GLG1: variants seen among roughly 807,000 people sequenced by gnomAD.
GLG1 encodes the protein golgi glycoprotein 1.
In GLG1, 38 loss-of-function variants were observed where a neutral mutation model predicts 160.5. That is an observed-to-expected ratio of 0.24 (90% CI 0.18 to 0.31). The LOEUF (loss-of-function observed/expected upper bound fraction) is 0.31, where lower values mean the gene tolerates loss of function less well. Ranked by LOEUF, GLG1 falls within the 10% of genes least tolerant of loss-of-function variation. The pLI is 1.00. For synonymous variants in GLG1, 644 were observed against 543.4 expected (o/e 1.19, Z -2.57); for missense variants, 1,373 against 1,505.2 (o/e 0.91, Z 1.45).
intron 9 of GLG1, 57 bp from the exon 10 acceptor site, chr16:74,483,181 A>AC: frequency 1.0e-6 from 1 of 970,046 alleles, no homozygotes; most frequent in Non-Finnish European, 1.7e-6. Flanking sequence ...ACTCTATGTC[A>AC]ATATAGTATT....
At chr16:74,596,883 A>G (rs1958316078) in intron 1 of GLG1, among the ~76,000 whole-genome samples, 4 of 152,116 alleles carry the variant, frequency 2.6e-5, no homozygotes. Flanking sequence ...CTGGGAGGCC[A>G]AGGCAGGAGG....
rs564743208 is a variant in GLG1 at position 74,473,292 on chromosome 16, C to G, written c.2053-881G>C. 2.0e-4 allele frequency among the ~76,000 whole-genome samples: 31 copies of G among 151,984 alleles called. 2 individuals carry two copies. The South Asian group carries it at 4.0e-3, about 19-fold the overall frequency. Reference sequence around the variant, plus strand: ...GCAATGGTGCAATCTCGGCTCACTGCAACCTCCGCCTCCCGGGTTCAAGTG... The same window carrying G: ...GCAATGGTGCAATCTCGGCTCACTGGAACCTCCGCCTCCCGGGTTCAAGTG... On this transcript the variant is annotated intron_variant, in intron 13 of 25. Transcript: ENST00000422840.
intron 6 of GLG1, among the ~76,000 whole-genome samples, chr16:74,493,813 T>G (rs1353727907): frequency 6.6e-6 from 1 of 152,142 alleles, no homozygotes; most frequent in Non-Finnish European, 1.5e-5. Context: ...AACCTAAACT[T>G]CTTGAGGAGG....
intron 1 of GLG1, among the ~76,000 whole-genome samples, chr16:74,579,576 G>A (rs1035077336): frequency 1.2e-4 from 19 of 152,062 alleles, no homozygotes; most frequent in African/African-American, 4.6e-4. Flanking sequence ...ACAAAAGTTA[G>A]CCAGGTGTAG....
intron 1 of GLG1, among the ~76,000 whole-genome samples, chr16:74,577,449 G>C (rs1331752465): frequency 6.7e-6 from 1 of 148,664 alleles, no homozygotes; most frequent in Admixed American, 6.8e-5. Flanking sequence ...TTGAACTCAG[G>C]AGGCAGAAAG....
intron 2 of GLG1, among the ~76,000 whole-genome samples, chr16:74,512,125 T>C (rs1391288056): frequency 7.3e-5 from 11 of 151,330 alleles, no homozygotes; most frequent in African/African-American, 2.2e-4. Flanking sequence ...CCTCATCTTC[T>C]GGCAACCATT....
chr16:74,515,116 C>A (rs532151475), intron 2 of GLG1, among the ~76,000 whole-genome samples: 3 of 152,102 alleles, frequency 2.0e-5, no homozygotes, highest in Non-Finnish European at 4.4e-5. Context: ...TATATATGCA[C>A]CCAATACAGG....
chr16:74,578,713 T>C (rs1957868339), intron 1 of GLG1, among the ~76,000 whole-genome samples: 1 of 152,190 alleles, frequency 6.6e-6, no homozygotes, highest in South Asian at 2.1e-4. Flanking sequence ...GAGTATGTTC[T>C]GAAGGCTGAA....
chr16:74,513,620 G>C (rs1208788989), intron 2 of GLG1, among the ~76,000 whole-genome samples: 1 of 152,046 alleles, frequency 6.6e-6, no homozygotes, highest in Non-Finnish European at 1.5e-5. Context: ...CAACAAAAAG[G>C]ACATCCACAC....
intron 19 of GLG1, among the ~76,000 whole-genome samples, chr16:74,464,289 G>C (rs746729541): frequency 1.3e-5 from 2 of 152,120 alleles, no homozygotes; most frequent in South Asian, 4.1e-4. Flanking sequence ...CCCAACTCTA[G>C]TGGGGAAACC....
At chr16:74,476,599 G>A (rs2015397363) in intron 12 of GLG1, among the ~76,000 whole-genome samples, 1 of 152,164 alleles carries the variant, frequency 6.6e-6, no homozygotes, top group Non-Finnish European at 1.5e-5. Context: ...TATTCCTACT[G>A]CTGAGTATCC....
intron 8 of GLG1, among the ~76,000 whole-genome samples, chr16:74,486,248 G>A (rs2015781758): frequency 1.3e-5 from 2 of 152,140 alleles, no homozygotes; most frequent in South Asian, 4.1e-4. Context: ...TAAACCTGGT[G>A]CTCCCGGCAA....
intron 1 of GLG1, among the ~76,000 whole-genome samples, chr16:74,538,441 G>A (rs1182018271): frequency 6.6e-6 from 1 of 152,038 alleles, no homozygotes; most frequent in Non-Finnish European, 1.5e-5. Context: ...TTTTACCCCC[G>A]GGAAACTCTC....
chr16:74,530,380 ACT>A (rs201510789), intron 2 of GLG1, among the ~76,000 whole-genome samples: 2,811 of 152,316 alleles, frequency 0.018, 34 homozygotes, highest in Non-Finnish European at 0.027. Context: ...GGTTCAGCCA[ACT>A]TCTTCTGCAG....
chr16:74,586,769 G>GCTAA (rs1437184698), intron 1 of GLG1, among the ~76,000 whole-genome samples: 3 of 151,706 alleles, frequency 2.0e-5, no homozygotes, highest in Non-Finnish European at 4.4e-5. Context: ...CGTGATCTCA[G>GCTAA]CTAACTGCAA....
At chr16:74,456,614 GT>G in intron 25 of GLG1, 34 bp downstream of exon 25, 1 of 1,329,454 alleles carries the variant, frequency 7.5e-7, no homozygotes, top group Non-Finnish European at 1.1e-6. Context: ...ATATTTTTTT[GT>G]TTTTTTAAAA....
At chr16:74,527,597 T>C (rs1170368989) in intron 2 of GLG1, among the ~76,000 whole-genome samples, 1 of 152,134 alleles carries the variant, frequency 6.6e-6, no homozygotes, top group Non-Finnish European at 1.5e-5. Flanking sequence ...TACGTATCAA[T>C]TATTTTTCTC....
intron 1 of GLG1, among the ~76,000 whole-genome samples, chr16:74,597,499 A>C (rs187014575): frequency 6.6e-6 from 1 of 151,568 alleles, no homozygotes; most frequent in Non-Finnish European, 1.5e-5. Context: ...CAAGCAGATC[A>C]CCTGAGGTCA....
chr16:74,522,681 T>C (rs532957214), intron 2 of GLG1, among the ~76,000 whole-genome samples: 36 of 152,304 alleles, frequency 2.4e-4, no homozygotes, highest in African/African-American at 7.7e-4. Context: ...TAATATTGTA[T>C]GCTTGTTTAT....
Sources: allele counts gnomAD v4.1 joint callset (sites outside exome capture counted in the v4.1 genomes callset), GRCh38; gene constraint gnomAD v4.1.1; transcripts MANE v1.5; gene names NCBI Gene and HGNC (gene_info 2026-07-23, HGNC 2026-07-21).